LINC00632: variants seen among roughly 807,000 people sequenced by gnomAD.
LINC00632 encodes the protein long independently transcribed non-coding RNA 632, also known as ALDOA related specific transcript.
intron 3 of LINC00632, among the ~76,000 whole-genome samples, chrX:140,769,493 GCAAATTTTCCATACATTTTGTATGC>G (rs1436196916): frequency 9.7e-6 from 1 of 102,669 alleles, no homozygotes; most frequent in Non-Finnish European, 2.0e-5. Context: ...CCCCATGAAA[GCAAATTTTCCATACATTTTGTATGC>G]CAAAACCTAG....
chrX:140,714,172 G>T (rs1357430171), intron 2 of LINC00632: 1 of 170,627 alleles, frequency 5.9e-6, no homozygotes, highest in Non-Finnish European at 1.1e-5. Flanking sequence ...AGACTCATGA[G>T]ACAGCTTGAA....
chrX:140,727,015 C>T lies in LINC00632; in HGVS notation n.105-6863C>T, dbSNP rs143010269. On this transcript the variant is annotated intron_variant and non_coding_transcript_variant, in intron 2 of 4. Transcript: ENST00000648200. ...ACTTTCAAATTCATTCTACAATGCA[C>T]GGACCTTCCCTCTTACCTATAGCAT... is the stretch of plus-strand genomic sequence containing the variant. Among the ~76,000 whole-genome samples the T allele has an allele frequency of 1.7e-4, 19 of 110,834 alleles. No homozygotes were observed. The East Asian group carries it at 4.9e-3, about 28-fold the overall frequency.
intron 3 of LINC00632, among the ~76,000 whole-genome samples, chrX:140,763,269 G>A (rs1189890429): frequency 1.8e-5 from 2 of 109,353 alleles, no homozygotes; most frequent in Non-Finnish European, 3.8e-5. Flanking sequence ...CAGGCATAGT[G>A]GCGGGTGCCT....
At chrX:140,729,487 C>T (rs1362999181) in intron 2 of LINC00632, among the ~76,000 whole-genome samples, 2 of 111,242 alleles carry the variant, frequency 1.8e-5, no homozygotes, top group Non-Finnish European at 3.8e-5. Context: ...CCAGAATCAA[C>T]CCATAAAATA....
At chrX:140,777,639 A>G (rs1328063200) in exon 5 of LINC00632, among the ~76,000 whole-genome samples, 2 of 112,560 alleles carry the variant, frequency 1.8e-5, no homozygotes, top group Non-Finnish European at 3.8e-5. Flanking sequence ...GCCGCTCTAA[A>G]GCTAGGGAAA....
chrX:140,759,294 TTCCTTCCTTCC>T (rs1931554091), intron 3 of LINC00632, among the ~76,000 whole-genome samples: 8 of 28,690 alleles, frequency 2.8e-4, no homozygotes, highest in African/African-American at 9.1e-4. Context: ...CTTTCTTTCC[TTCCTTCCTTCC>T]TTCCTTCCTT....
In LINC00632 at chrX:140,790,656, T is replaced by C. The variant is rs191444674; in HGVS notation, n.18675T>C. On this transcript the variant is annotated non_coding_transcript_exon_variant, in exon 5 of 5. Transcript: ENST00000648200. ...TCAAGAACTGCCATCTTTATGATAG[T>C]GGGTTTTGCATCTAGTAACGAGGGA... Among the ~76,000 whole-genome samples, 54 of 111,340 alleles carry C rather than the reference T, an allele frequency of 4.9e-4. 1 individual carries two copies. The highest frequency in any genetic ancestry group is 1.3e-3 in the Admixed American group (14 of 10,396).
At chrX:140,762,897 A>T (rs112197159) in intron 3 of LINC00632, among the ~76,000 whole-genome samples, 124 of 112,251 alleles carry the variant, frequency 1.1e-3, no homozygotes, top group African/African-American at 3.8e-3. Flanking sequence ...ACTGGCAAGC[A>T]GTAGTTTGCA....
At chrX:140,753,097 CTTTG>C (rs1263097898) in intron 3 of LINC00632, among the ~76,000 whole-genome samples, 5 of 111,823 alleles carry the variant, frequency 4.5e-5, no homozygotes, top group African/African-American at 1.6e-4. Context: ...AGATCAGTTT[CTTTG>C]TTGTTTTCAG....
At chrX:140,783,715 G>A (rs1382744770) in exon 5 of LINC00632, 3 of 1,210,296 alleles carry the variant, frequency 2.5e-6, no homozygotes, top group South Asian at 3.5e-5. Flanking sequence ...CCAAATCCAG[G>A]TCTTCCAGTC....
intron 2 of LINC00632, among the ~76,000 whole-genome samples, chrX:140,718,807 G>T (rs1385722809): frequency 9.0e-6 from 1 of 111,715 alleles, no homozygotes; most frequent in Non-Finnish European, 1.9e-5. Flanking sequence ...ACGCTACAAT[G>T]CACAACATAC....
chrX:140,733,768 T>A (rs1273913479), intron 2 of LINC00632: 2 of 112,547 alleles, frequency 1.8e-5, no homozygotes, highest in East Asian at 5.6e-4. Flanking sequence ...TTCTCAGCGG[T>A]GATAAGGGAT....
At chrX:140,728,110 C>T (rs1930993584) in intron 2 of LINC00632, among the ~76,000 whole-genome samples, 1 of 110,396 alleles carries the variant, frequency 9.1e-6, no homozygotes, top group African/African-American at 3.3e-5. Flanking sequence ...CATGGTGGCG[C>T]ATGCCTGTAA....
chrX:140,743,131 A>C (rs1173674413), intron 3 of LINC00632, among the ~76,000 whole-genome samples: 1 of 102,132 alleles, frequency 9.8e-6, no homozygotes, highest in African/African-American at 3.7e-5. Flanking sequence ...AGGCTGAGGC[A>C]GGAGAATTGC....
At chrX:140,756,085 G>A (rs1193446733) in intron 3 of LINC00632, among the ~76,000 whole-genome samples, 2 of 110,445 alleles carry the variant, frequency 1.8e-5, no homozygotes, top group African/African-American at 6.6e-5. Flanking sequence ...AAGTAACTAG[G>A]GCCTAACTTT....
chrX:140,786,047 C>G (rs1445912397), exon 5 of LINC00632, among the ~76,000 whole-genome samples: 1 of 111,791 alleles, frequency 8.9e-6, no homozygotes, highest in East Asian at 2.8e-4. Context: ...GTGCCTTCAG[C>G]AATGTTGCTA....
chrX:140,783,824 T>C (rs777199902), exon 5 of LINC00632: 22 of 1,208,464 alleles, frequency 1.8e-5, no homozygotes, highest in Non-Finnish European at 2.5e-5. Flanking sequence ...AGAAAATCCA[T>C]GTCTTCCAGT....
intron 2 of LINC00632, among the ~76,000 whole-genome samples, chrX:140,724,818 ACACACG>A (rs1213917103): frequency 1.6e-5 from 1 of 63,386 alleles, no homozygotes; most frequent in African/African-American, 5.8e-5. Flanking sequence ...CATTCCATAC[ACACACG>A]CACACATTCC....
intron 3 of LINC00632, among the ~76,000 whole-genome samples, chrX:140,742,099 T>G (rs1279819216): frequency 8.9e-6 from 1 of 111,902 alleles, no homozygotes; most frequent in East Asian, 2.8e-4. Flanking sequence ...TGTAGGGAAC[T>G]TCTAATCTAT....
Sources: allele counts gnomAD v4.1 joint callset (sites outside exome capture counted in the v4.1 genomes callset), GRCh38; gene constraint gnomAD v4.1.1; transcripts MANE v1.5; gene names NCBI Gene and HGNC (gene_info 2026-07-23, HGNC 2026-07-21).